Variants in TRPV3 observed in about 807,000 individuals in gnomAD.
TRPV3 encodes VRL-3.
In TRPV3, 88 loss-of-function variants were observed where a neutral mutation model predicts 87.1. The observed-to-expected ratio is 1.01, with a 90% CI of 0.85 to 1.21. The LOEUF is 1.21. Among genes scored for constraint, TRPV3 ranks in the 50% most tolerant of loss-of-function variants. The pLI, the probability that TRPV3 is intolerant of heterozygous loss-of-function variation, is 0.00. For synonymous variants in TRPV3, 438 were observed against 423.3 expected, an observed-to-expected ratio of 1.03 and a Z score of -0.43; for missense variants, 1,054 against 1,030.1, an observed-to-expected ratio of 1.02 and a Z score of -0.32.
chr17:3,529,115 G>T (rs1160152388), intron 9 of TRPV3, 120 bp from the exon 10 acceptor site: 1 of 1,147,634 alleles, frequency 8.7e-7, no homozygotes, highest in Non-Finnish European at 1.3e-6. Flanking sequence ...TATGCCCGAT[G>T]GACTGGTCTG....
At position 3,528,256 on chromosome 17, in the gene TRPV3, G is replaced by T; in HGVS notation, c.1402-130C>A. 1 of 650,942 alleles carries T rather than the reference G, an allele frequency of 1.5e-6. No homozygotes were observed. Among genetic ancestry groups the T allele is most frequent in the Non-Finnish European group, 2.6e-6 (1 of 382,358 alleles). 40.3% of individuals were successfully genotyped at this position (650,942 alleles called of 1,614,324 possible). A position where few individuals can be genotyped will look rare whatever the true frequency, so the allele number is the denominator to read the frequency against. On this transcript the variant is annotated intron_variant, in intron 10 of 17. Transcript: ENST00000576742. This position sits in a 1 kb window ranked among gnomAD's most constrained non-coding sequence, Gnocchi z 4.2. Reference sequence around the variant, plus strand: ...GAGACCAGCATGAAACCTGATCTCTGTACAGGGCAAGAGAAGGAAGAGCAG... The same window carrying T: ...GAGACCAGCATGAAACCTGATCTCTTTACAGGGCAAGAGAAGGAAGAGCAG...
At chr17:3,529,220 C>G (rs557395178) in intron 9 of TRPV3, among the ~76,000 whole-genome samples, 2 of 152,248 alleles carry the variant, frequency 1.3e-5, no homozygotes, top group African/African-American at 4.8e-5. Context: ...GGGCTTGCAG[C>G]AGGAGGACCC....
At chr17:3,523,718 CAAAAA>C (rs201681037) in intron 13 of TRPV3, among the ~76,000 whole-genome samples, 1 of 78,634 alleles carries the variant, frequency 1.3e-5, no homozygotes, top group Non-Finnish European at 2.6e-5. Context: ...ACTTGGTCTC[CAAAAA>C]AAAAAAAAAA....
At position 3,514,647 on chromosome 17, in the gene TRPV3, A is replaced by G. The variant is rs1185653234; in HGVS notation, c.2224T>C (p.Trp742Arg). 2 of 1,613,846 alleles carry G rather than the reference A, an allele frequency of 1.2e-6. No homozygotes were observed. The highest frequency in any genetic ancestry group is 2.7e-5 in the African/African-American group (2 of 74,940). The change falls in exon 17 of 18, where the codon TGG (tryptophan) becomes CGG (arginine). Residue 742 changes from tryptophan to arginine, a missense_variant. Transcript: ENST00000576742. ...LRINEVKWTE[W>R]KTHVSFLNED... The stretch of plus-strand genomic sequence containing the variant: ...TTAAGGAAGGAGACGTGCGTCTTCC[A>G]TTCAGTCCACTTCACCTCATTGATC...
In TRPV3 at chr17:3,554,812, G is replaced by T; in HGVS notation, c.39C>A (p.Gly13=). Residue 13 remains glycine (G), a synonymous_variant, in exon 2 of 18, where the codon GGC becomes GGA. Coordinates refer to ENST00000576742, the MANE Select transcript of TRPV3 (RefSeq NM_145068.4). ...TCCCACTGGGGGCAGCAACTCTCTTGCCCATGAGAGGCACCATCTCCTTGG... is the reference window on the plus strand; with the variant it reads ...TCCCACTGGGGGCAGCAACTCTCTTTCCCATGAGAGGCACCATCTCCTTGG... ...AHPKEMVPLM[G]KRVAAPSGNP... The T allele has an allele frequency of 6.2e-7, 1 of 1,612,664 alleles. No individual in the cohort carries two copies.
intron 2 of TRPV3, 102 bp from the exon 3 acceptor site, chr17:3,545,373 C>T (rs1362103637): frequency 1.3e-5 from 11 of 816,102 alleles, no homozygotes; most frequent in Admixed American, 2.4e-5. Context: ...GCTGAGCACA[C>T]ACCCTGGCCA....
chr17:3,539,885 A>G (rs773947236), intron 6 of TRPV3, among the ~76,000 whole-genome samples: 27 of 152,192 alleles, frequency 1.8e-4, no homozygotes, highest in Non-Finnish European at 3.8e-4. Flanking sequence ...TCTTAGCAGC[A>G]TAGGGAGGAA....
chr17:3,515,690 C>CT lies in TRPV3; in HGVS notation c.2198+766dup, dbSNP rs1406391162. 1.6e-3 allele frequency among the ~76,000 whole-genome samples: 8 copies of CT among 5,056 alleles called. No homozygotes were observed. In the East Asian group the frequency reaches 0.17, roughly 105 times the overall value. 3.3% of individuals were successfully genotyped at this position (5,056 alleles called of 152,430 possible). A position where few individuals can be genotyped will look rare whatever the true frequency, so the allele number is the denominator to read the frequency against. On this transcript the variant is annotated intron_variant, in intron 16 of 17. Transcript: ENST00000576742. ...AAGGTGGTCATAGGATATGTAAGGACTTTAAAAAAAAAATGCAAAAAGCCA... is the reference window on the plus strand; with the variant it reads ...AAGGTGGTCATAGGATATGTAAGGACTTTTAAAAAAAAAATGCAAAAAGCCA...
In TRPV3 at chr17:3,532,684, C is replaced by A; in HGVS notation, c.1038G>T (p.Gln346His). Residue 346 changes from glutamine to histidine, a missense_variant, in exon 8 of 18, where the codon CAG (glutamine) becomes CAT (histidine). By Grantham distance (24) the Gln-to-His change is conservative. Transcript: ENST00000576742. ...TRNNDGLTPL[Q>H]LAAKMGKAEI... ...CCGCCTTGCCCATCTTGGCGGCCAG[C>A]TGCAGCGGCGTGAGGCCATCGTTGT... is the stretch of plus-strand genomic sequence containing the variant. 6.2e-7 allele frequency: 1 copy of A among 1,614,258 alleles called. No individual in the cohort carries two copies. Among genetic ancestry groups the A allele is most frequent in the South Asian group, 1.1e-5 (1 of 91,090 alleles).
In TRPV3 at chr17:3,542,670, G is replaced by T; in HGVS notation, c.495C>A (p.Ser165=). 1 of 1,613,970 alleles carries T rather than the reference G, an allele frequency of 6.2e-7. No homozygotes were observed. Among genetic ancestry groups the T allele is most frequent in the Non-Finnish European group, 8.5e-7 (1 of 1,179,950 alleles). The change falls in exon 6 of 18, where the codon TCC becomes TCA. Residue 165 remains serine (S), a synonymous_variant. Coordinates refer to ENST00000576742, the MANE Select transcript of TRPV3 (RefSeq NM_145068.4). ...PDFLMHKLTA[S]DTGKTCLMKA... The stretch of plus-strand genomic sequence containing the variant: ...TCATCAGGCAGGTCTTCCCCGTGTC[G>T]GAGGCCGTCAGCTTGTGCATGAGGA...
chr17:3,514,366 A>C, intron 17 of TRPV3: 1 of 564,252 alleles, frequency 1.8e-6, no homozygotes, highest in Non-Finnish European at 3.1e-6. Context: ...GGCACGAGCC[A>C]CCGCGCCCGG....
chr17:3,550,741 G>C (rs2074566603), intron 2 of TRPV3, among the ~76,000 whole-genome samples: 1 of 151,820 alleles, frequency 6.6e-6, no homozygotes, highest in African/African-American at 2.4e-5. Flanking sequence ...AGCCAGGATG[G>C]TCTTGATCTC....
chr17:3,535,685 C>T lies in TRPV3; in HGVS notation c.672G>A (p.Glu224=). Residue 224 remains glutamate (E), a synonymous_variant, in exon 7 of 18, where the codon GAG becomes GAA. Coordinates refer to ENST00000576742, the MANE Select transcript of TRPV3 (RefSeq NM_145068.4). ...EGQTALNIAI[E]RRQGDIAALL... ...GGGCTGCGATGTCCCCCTGCCGCCG[C>T]TCGATGGCGATGTTCAGCGCCGTCT... 6.3e-7 allele frequency: 1 copy of T among 1,583,984 alleles called. No homozygotes were observed. The highest frequency in any genetic ancestry group is 8.6e-7 in the Non-Finnish European group (1 of 1,167,556).
At chr17:3,545,071 C>A in intron 3 of TRPV3, 96 bp downstream of exon 3, 1 of 751,218 alleles carries the variant, frequency 1.3e-6, no homozygotes, top group South Asian at 1.8e-5. Flanking sequence ...ATGCCACAGC[C>A]AGGCCTGGCC....
intron 12 of TRPV3, among the ~76,000 whole-genome samples, chr17:3,524,726 C>T (rs540958819): frequency 3.3e-5 from 5 of 149,942 alleles, no homozygotes; most frequent in African/African-American, 9.8e-5. Context: ...AATCCCAACA[C>T]TTTGGGGGGC....
rs9891689 is a variant in TRPV3, at chr17:3,546,265, A to T, written c.120-994T>A. ...GAGACCAGCCTGACCAATATGGAGA[A>T]ACCCCGTCTCTACAAAAAATACAAA... On this transcript the variant is annotated intron_variant, in intron 2 of 17. Coordinates refer to ENST00000576742, the MANE Select transcript of TRPV3 (RefSeq NM_145068.4). Among the ~76,000 whole-genome samples the T allele has an allele frequency of 3.8e-3, 580 of 152,066 alleles. 6 individuals are homozygous for T. The highest frequency in any genetic ancestry group is 0.013 in the African/African-American group (553 of 41,468).
At chr17:3,544,884 T>G (rs1248663499) in intron 3 of TRPV3, among the ~76,000 whole-genome samples, 4 of 152,098 alleles carry the variant, frequency 2.6e-5, no homozygotes, top group Non-Finnish European at 4.4e-5. Flanking sequence ...CGTGGTGGCA[T>G]GTGCCTGTAA....
intron 2 of TRPV3, 189 bp downstream of exon 2, chr17:3,554,543 C>T (rs2074608104): frequency 1.9e-6 from 1 of 534,918 alleles, no homozygotes; most frequent in East Asian, 3.2e-5. Context: ...TACCCCAGCT[C>T]AGCCCCCTGA....
At chr17:3,542,783 C>T (rs1192762577) in intron 5 of TRPV3, 85 bp from the exon 6 acceptor site, 8 of 1,438,850 alleles carry the variant, frequency 5.6e-6, no homozygotes, top group African/African-American at 2.8e-5. Flanking sequence ...TTGCTGCAGC[C>T]GCAGACCCCA....
Sources: gnomAD v4.1 joint callset for allele counts (sites outside exome capture counted in the v4.1 genomes callset) on GRCh38, gnomAD v4.1.1 for gene constraint, Gnocchi (gnomAD v3.1) non-coding constraint, MANE v1.5 for transcripts, NCBI Gene and HGNC (gene_info 2026-07-23, HGNC 2026-07-21) for gene names.